UNC5A: variants seen among roughly 807,000 people sequenced by gnomAD.
The protein encoded by UNC5A is unc-5 netrin receptor A.
UNC5A carries 20 observed loss-of-function variants against 87.4 expected under a neutral mutation model. That is an observed-to-expected ratio of 0.23 (90% confidence interval 0.16 to 0.33). The LOEUF (loss-of-function observed/expected upper bound fraction) is 0.33, where lower values mean the gene tolerates loss of function less well. Among genes scored for constraint, UNC5A ranks in the 10% least tolerant of loss-of-function variants. The pLI is 1.00. For synonymous variants in UNC5A, 438 were observed against 482.3 expected (o/e 0.91, Z 1.20); for missense variants, 844 against 1,133.4 (o/e 0.74, Z 3.67).
At chr5:176,855,785 G>T (rs1757653331) in intron 1 of UNC5A, among the ~76,000 whole-genome samples, 1 of 152,186 alleles carries the variant, frequency 6.6e-6, no homozygotes, top group African/African-American at 2.4e-5. Flanking sequence ...TGGGGAGGCT[G>T]CCCAGGGGCT....
In UNC5A at chr5:176,879,463, C is replaced by G; in HGVS notation, c.2338C>G (p.Leu780Val). The G allele has an allele frequency of 6.2e-7, 1 of 1,610,318 alleles. No individual in the cohort carries two copies. Among genetic ancestry groups the G allele is most frequent in the Non-Finnish European group, 8.5e-7 (1 of 1,178,662 alleles). Residue 780 changes from leucine (L) to valine (V), a missense_variant, in exon 14 of 15, where the codon CTG (leucine) becomes GTG (valine). By Grantham distance (32) the Leu-to-Val change is conservative (BLOSUM62 1). Transcript: ENST00000329542. ...PCRRGADWRT[L>V]AQKLHLDSHL... Reference sequence around the variant, plus strand: ...TAGGCGGGGTGCCGACTGGCGGACTCTGGCCCAGAAACTCCACCTGGACAG... The same window carrying G: ...TAGGCGGGGTGCCGACTGGCGGACTGTGGCCCAGAAACTCCACCTGGACAG...
At chr5:176,828,026 C>G (rs551307367) in intron 1 of UNC5A, among the ~76,000 whole-genome samples, 1 of 152,046 alleles carries the variant, frequency 6.6e-6, no homozygotes, top group Non-Finnish European at 1.5e-5. Context: ...TCAGCCCTCT[C>G]GGACCCTGTG....
chr5:176,840,788 C>T (rs951090176), intron 1 of UNC5A, among the ~76,000 whole-genome samples: 2 of 152,238 alleles, frequency 1.3e-5, no homozygotes, highest in African/African-American at 2.4e-5. Context: ...GTGGGACAAA[C>T]GGGACCAGAC....
chr5:176,862,585 C>G, intron 1 of UNC5A, 39 bp from the exon 2 acceptor site: 1 of 1,594,138 alleles, frequency 6.3e-7, no homozygotes, highest in Non-Finnish European at 8.6e-7. Flanking sequence ...CCTGCCCAGT[C>G]TGGCCCCTGG....
At chr5:176,876,356 G>A (rs1758262118) in intron 8 of UNC5A, among the ~76,000 whole-genome samples, 1 of 152,180 alleles carries the variant, frequency 6.6e-6, no homozygotes, top group African/African-American at 2.4e-5. Context: ...GAGGGAGTGT[G>A]CATTTGCTTT....
rs111582575 is a variant in UNC5A, at chr5:176,879,285, G to T, written c.2185-25G>T. The T allele has an allele frequency of 6.4e-6, 10 of 1,560,606 alleles. No individual in the cohort carries two copies. In the African/African-American group the frequency reaches 9.6e-5, roughly 15 times the overall value. On this transcript the variant is annotated intron_variant, in intron 13 of 14. Transcript: ENST00000329542. Reference sequence around the variant, plus strand: ...CCGGGCCTGGGGAAAGTTCTAACAGGCACCTCTTTCCCTCCCACCTCCAGG... The same window carrying T: ...CCGGGCCTGGGGAAAGTTCTAACAGTCACCTCTTTCCCTCCCACCTCCAGG...
intron 1 of UNC5A, among the ~76,000 whole-genome samples, chr5:176,861,400 C>T (rs1291629121): frequency 6.6e-6 from 1 of 152,216 alleles, no homozygotes; most frequent in Non-Finnish European, 1.5e-5. Flanking sequence ...CCGAGCCTGC[C>T]CTCCAGGGCG....
chr5:176,811,610 G>GA (rs397807665), intron 1 of UNC5A, among the ~76,000 whole-genome samples: 2 of 150,010 alleles, frequency 1.3e-5, no homozygotes, highest in Non-Finnish European at 3.0e-5. Flanking sequence ...CTTGGGAGGG[G>GA]CTTGGGGGGA....
chr5:176,861,761 C>T (rs1757845271), intron 1 of UNC5A, among the ~76,000 whole-genome samples: 1 of 152,210 alleles, frequency 6.6e-6, no homozygotes, highest in Non-Finnish European at 1.5e-5. Context: ...CCAGGGTTTC[C>T]CTCTATGCCC....
At position 176,874,192 on chromosome 5, in the gene UNC5A, G is replaced by A; in HGVS notation, c.1075+36G>A. The A allele has an allele frequency of 6.2e-7, 1 of 1,604,846 alleles. No homozygotes were observed. Among genetic ancestry groups the A allele is most frequent in the South Asian group, 1.1e-5 (1 of 90,636 alleles). ...CCGTGCCCCCAGCACTCCTGCCCCA[G>A]CTCCCACGCCAAGGGCTGCTGGGGC... On this transcript the variant is annotated intron_variant, in intron 7 of 14. Transcript: ENST00000329542. The surrounding 1 kb of genome is among the most constrained non-coding windows in gnomAD (Gnocchi z 7.6).
chr5:176,839,911 G>T lies in UNC5A; in HGVS notation c.71-22713G>T, dbSNP rs182999566. On this transcript the variant is annotated intron_variant, in intron 1 of 14. Coordinates refer to ENST00000329542, the MANE Select transcript of UNC5A (RefSeq NM_133369.3). ...AGCTCACTGCAGCCTCCACCTCCTG[G>T]GTTCAGGCAATTCTGCTGCCTCAGC... 3.9e-3 allele frequency among the ~76,000 whole-genome samples: 586 copies of T among 151,242 alleles called. 1 individual carries two copies. The highest frequency in any genetic ancestry group is 0.013 in the African/African-American group (553 of 41,096).
rs189027968 is a variant in UNC5A at position 176,841,039 on chromosome 5, G to A, written c.71-21585G>A. 1.4e-3 allele frequency among the ~76,000 whole-genome samples: 207 copies of A among 152,350 alleles called. No individual in the cohort carries two copies. The highest frequency in any genetic ancestry group is 4.5e-3 in the African/African-American group (186 of 41,582). Reference sequence around the variant, plus strand: ...CCGGAGAAGGGGGATGAACCACTCCGCGCTGAATGGAGGCAGCGTGACTTG... The same window carrying A: ...CCGGAGAAGGGGGATGAACCACTCCACGCTGAATGGAGGCAGCGTGACTTG... On this transcript the variant is annotated intron_variant, in intron 1 of 14. Coordinates refer to ENST00000329542, the MANE Select transcript of UNC5A (RefSeq NM_133369.3). This position sits in a 1 kb window ranked among gnomAD's most constrained non-coding sequence, Gnocchi z 4.1.
At chr5:176,877,871 G>C (rs759768625) in intron 10 of UNC5A, 23 bp from the exon 11 acceptor site, 7 of 1,585,990 alleles carry the variant, frequency 4.4e-6, no homozygotes, top group Non-Finnish European at 6.0e-6. Flanking sequence ...GGGCCGAATT[G>C]ACCCACTGAC....
At chr5:176,849,242 A>T (rs769328194) in intron 1 of UNC5A, among the ~76,000 whole-genome samples, 36 of 152,230 alleles carry the variant, frequency 2.4e-4, no homozygotes, top group Non-Finnish European at 1.8e-4. Context: ...ATATTTTTAA[A>T]TGGGAGGTTT....
chr5:176,876,661 G>A (rs960722752), intron 8 of UNC5A, among the ~76,000 whole-genome samples: 2 of 152,188 alleles, frequency 1.3e-5, no homozygotes, highest in South Asian at 2.1e-4. Context: ...CACCTGCAGG[G>A]ACCATGGCAT....
At chr5:176,855,126 T>C (rs1029754685) in intron 1 of UNC5A, among the ~76,000 whole-genome samples, 7 of 152,264 alleles carry the variant, frequency 4.6e-5, no homozygotes, top group African/African-American at 1.7e-4. Context: ...CCTCTGATGC[T>C]GGCAGGAGGA....
chr5:176,878,031 G>A lies in UNC5A; in HGVS notation c.1773G>A (p.Lys591=). The A allele has an allele frequency of 6.2e-7, 1 of 1,608,676 alleles. No homozygotes were observed. The highest frequency in any genetic ancestry group is 8.5e-7 in the Non-Finnish European group (1 of 1,179,948). ...VGEALSVAAA[K]RLKLLLFAPV... The stretch of plus-strand genomic sequence containing the variant: ...AGGCCCTCAGCGTGGCTGCCGCCAA[G>A]CGCCTCAAGCTGCTTCTGTTTGCGC... The change falls in exon 11 of 15, where the codon AAG becomes AAA. Residue 591 remains lysine (K), a synonymous_variant. Coordinates refer to ENST00000329542, the MANE Select transcript of UNC5A (RefSeq NM_133369.3).
At chr5:176,816,171 G>T (rs1380460683) in intron 1 of UNC5A, among the ~76,000 whole-genome samples, 2 of 152,212 alleles carry the variant, frequency 1.3e-5, no homozygotes, top group African/African-American at 2.4e-5. Flanking sequence ...TCAGCAGCAG[G>T]CTCCCCCAGG....
chr5:176,827,290 C>A (rs973271462), intron 1 of UNC5A, among the ~76,000 whole-genome samples: 2 of 144,992 alleles, frequency 1.4e-5, no homozygotes, highest in African/African-American at 2.5e-5. Flanking sequence ...TCAAGCGATT[C>A]TCCTGCCTCA....
Sources: allele counts gnomAD v4.1 joint callset (sites outside exome capture counted in the v4.1 genomes callset), GRCh38; gene constraint gnomAD v4.1.1; non-coding constraint Gnocchi (gnomAD v3.1); transcripts MANE v1.5; gene names NCBI Gene and HGNC (gene_info 2026-07-23, HGNC 2026-07-21).